The following PPP2R5E variants were observed in gnomAD, a reference collection of about 807,000 sequenced individuals.
PPP2R5E encodes the protein protein phosphatase 2 regulatory subunit B'epsilon.
A neutral mutation model predicts 65.3 loss-of-function variants in PPP2R5E; 4 were observed. That is an observed-to-expected ratio of 0.06 (90% CI 0.03 to 0.14). PPP2R5E has a LOEUF of 0.14. Ranked by LOEUF, PPP2R5E falls within the 10% of genes least tolerant of loss-of-function variation. The pLI is 1.00. For synonymous variants in PPP2R5E, 183 were observed against 187.4 expected, an observed-to-expected ratio of 0.98 and a Z score of 0.19; for missense variants, 274 against 556.1, an observed-to-expected ratio of 0.49 and a Z score of 5.10.
intron 2 of PPP2R5E, among the ~76,000 whole-genome samples, chr14:63,523,657 G>A (rs756080137): frequency 4.0e-5 from 6 of 149,542 alleles, no homozygotes; most frequent in Non-Finnish European, 5.9e-5. Flanking sequence ...CTATTGTCCC[G>A]TGACCCTGCC....
chr14:63,532,804 G>A (rs1893492901), intron 2 of PPP2R5E, among the ~76,000 whole-genome samples: 1 of 152,182 alleles, frequency 6.6e-6, no homozygotes, highest in Non-Finnish European at 1.5e-5. Flanking sequence ...ATGGAGTGTA[G>A]TAACCACTAA....
At chr14:63,465,934 T>C (rs932704968) in intron 2 of PPP2R5E, among the ~76,000 whole-genome samples, 3 of 152,096 alleles carry the variant, frequency 2.0e-5, no homozygotes, top group African/African-American at 4.8e-5. Flanking sequence ...GCCATGCTTA[T>C]AAGGTAAGGA....
intron 11 of PPP2R5E, among the ~76,000 whole-genome samples, chr14:63,388,580 T>G (rs918345290): frequency 5.9e-5 from 9 of 152,252 alleles, no homozygotes; most frequent in African/African-American, 1.9e-4. Flanking sequence ...ATCTATATAC[T>G]GTTCTGTAAT....
chr14:63,518,921 T>TA (rs199616161), intron 2 of PPP2R5E, among the ~76,000 whole-genome samples: 3 of 151,562 alleles, frequency 2.0e-5, no homozygotes, highest in African/African-American at 4.8e-5. Flanking sequence ...AATAAAAAAA[T>TA]AAAAAAAATA....
At position 63,422,233 on chromosome 14, in the gene PPP2R5E, A is replaced by G. The variant is rs1322500088; in HGVS notation, c.355-139T>C. The G allele has an allele frequency of 5.8e-6, 4 of 686,328 alleles. No homozygotes were observed. The African/African-American group carries it at 7.2e-5, about 12-fold the overall frequency. 42.5% of individuals were successfully genotyped at this position (686,328 alleles called of 1,614,324 possible). ...CAAACTAGAATAAGGACCTCTTTCTATAGGCTCTGAGGTGGGGACCACCTC... is the reference window on the plus strand; with the variant it reads ...CAAACTAGAATAAGGACCTCTTTCTGTAGGCTCTGAGGTGGGGACCACCTC... On this transcript the variant is annotated intron_variant, in intron 3 of 13. Coordinates refer to ENST00000337537, the MANE Select transcript of PPP2R5E (RefSeq NM_006246.5).
At chr14:63,437,637 T>A (rs1025304772) in intron 3 of PPP2R5E, among the ~76,000 whole-genome samples, 1 of 152,122 alleles carries the variant, frequency 6.6e-6, no homozygotes, top group African/African-American at 2.4e-5. Context: ...CAGAGAGTGG[T>A]CTATCCTATT....
chr14:63,510,710 A>C (rs1327076430), intron 2 of PPP2R5E, among the ~76,000 whole-genome samples: 1 of 152,222 alleles, frequency 6.6e-6, no homozygotes, highest in Non-Finnish European at 1.5e-5. Context: ...AGGTCAAAGA[A>C]AGAGCCACAT....
intron 2 of PPP2R5E, among the ~76,000 whole-genome samples, chr14:63,474,494 G>C (rs1294844865): frequency 1.3e-5 from 2 of 151,832 alleles, no homozygotes; most frequent in African/African-American, 2.4e-5. Flanking sequence ...AGTCTGAAAA[G>C]AGTGAGGTGG....
At chr14:63,474,791 T>C (rs573216928) in intron 2 of PPP2R5E, among the ~76,000 whole-genome samples, 1 of 147,808 alleles carries the variant, frequency 6.8e-6, no homozygotes, top group Non-Finnish European at 1.5e-5. Flanking sequence ...AATGGTAATA[T>C]ATAAGTGGTC....
chr14:63,441,121 A>G (rs1193743348), intron 3 of PPP2R5E, among the ~76,000 whole-genome samples: 1 of 152,170 alleles, frequency 6.6e-6, no homozygotes, highest in Non-Finnish European at 1.5e-5. Context: ...TTCTCATTCA[A>G]TGTGAAGATT....
chr14:63,429,838 A>G (rs1413019035), intron 3 of PPP2R5E, among the ~76,000 whole-genome samples: 1 of 151,886 alleles, frequency 6.6e-6, no homozygotes, highest in Non-Finnish European at 1.5e-5. Context: ...ACCCGCCACC[A>G]CGTCCAGCTA....
intron 2 of PPP2R5E, among the ~76,000 whole-genome samples, chr14:63,461,967 C>A (rs1213365694): frequency 6.6e-6 from 1 of 152,086 alleles, no homozygotes; most frequent in Non-Finnish European, 1.5e-5. Context: ...TTTCCAAGGG[C>A]CTGTATTTGG....
At chr14:63,538,041 T>C (rs992199023) in intron 2 of PPP2R5E, among the ~76,000 whole-genome samples, 5 of 152,154 alleles carry the variant, frequency 3.3e-5, no homozygotes, top group African/African-American at 9.7e-5. Context: ...GCATGGTGGC[T>C]CACGCCTAAA....
intron 3 of PPP2R5E, among the ~76,000 whole-genome samples, chr14:63,429,631 A>G (rs771367223): frequency 8.5e-5 from 13 of 152,094 alleles, no homozygotes; most frequent in Non-Finnish European, 1.8e-4. Flanking sequence ...AGTAAATGCA[A>G]TGCTGTCACT....
At chr14:63,489,482 T>TC (rs1265898915) in intron 2 of PPP2R5E, among the ~76,000 whole-genome samples, 1 of 151,140 alleles carries the variant, frequency 6.6e-6, no homozygotes, top group Non-Finnish European at 1.5e-5. Context: ...CGATCATGGC[T>TC]CACTGCAGCC....
intron 3 of PPP2R5E, among the ~76,000 whole-genome samples, chr14:63,433,711 G>A (rs1468359513): frequency 1.3e-5 from 2 of 152,188 alleles, no homozygotes; most frequent in Non-Finnish European, 2.9e-5. Flanking sequence ...ATTTGAGAGA[G>A]CAGTTACATA....
chr14:63,428,427 T>TA (rs1387064389), intron 3 of PPP2R5E, among the ~76,000 whole-genome samples: 1 of 152,248 alleles, frequency 6.6e-6, no homozygotes, highest in Non-Finnish European at 1.5e-5. Context: ...TGTCTTATAC[T>TA]AAAAAATTAT....
At chr14:63,489,957 T>C (rs947418303) in intron 2 of PPP2R5E, among the ~76,000 whole-genome samples, 16 of 152,242 alleles carry the variant, frequency 1.1e-4, no homozygotes, top group African/African-American at 3.6e-4. Flanking sequence ...ACATGATATA[T>C]TTTGAGTATC....
chr14:63,425,743 A>G (rs1238107705), intron 3 of PPP2R5E, among the ~76,000 whole-genome samples: 1 of 152,252 alleles, frequency 6.6e-6, no homozygotes, highest in Non-Finnish European at 1.5e-5. Context: ...GTTTGGATAT[A>G]TTAATAAAGC....
Sources: allele counts gnomAD v4.1 joint callset (sites outside exome capture counted in the v4.1 genomes callset), GRCh38; gene constraint gnomAD v4.1.1; transcripts MANE v1.5; gene names NCBI Gene and HGNC (gene_info 2026-07-23, HGNC 2026-07-21).